Variants in PAX5 observed in about 807,000 individuals in gnomAD.
PAX5 encodes the protein paired box 5.
PAX5 carries 9 observed loss-of-function variants against 43.7 expected under a neutral mutation model. The ratio of observed to expected loss-of-function variants is 0.21; its 90% confidence interval spans 0.12 to 0.36. PAX5 has a LOEUF of 0.36. Ranked by LOEUF, PAX5 falls within the 10% of genes least tolerant of loss-of-function variation. The probability of loss-of-function intolerance (pLI) is 1.00; values close to 1 mark genes in which losing one functional copy is unlikely to be tolerated. For synonymous variants in PAX5, 228 were observed against 214.3 expected, an observed-to-expected ratio of 1.06 and a Z score of -0.56; for missense variants, 383 against 532.7, an observed-to-expected ratio of 0.72 and a Z score of 2.77.
At chr9:36,920,500 T>C (rs1044679085) in intron 7 of PAX5, among the ~76,000 whole-genome samples, 13 of 152,204 alleles carry the variant, frequency 8.5e-5, no homozygotes, top group Admixed American at 5.9e-4. Context: ...TTATGAGCAT[T>C]TTTTAGCAAC....
At chr9:36,943,326 G>T (rs1408945783) in intron 6 of PAX5, among the ~76,000 whole-genome samples, 2 of 152,152 alleles carry the variant, frequency 1.3e-5, no homozygotes, top group Non-Finnish European at 2.9e-5. Context: ...CATCCCATAG[G>T]TGGTGGCTCC....
intron 7 of PAX5, among the ~76,000 whole-genome samples, chr9:36,886,157 C>T (rs1316326835): frequency 6.6e-6 from 1 of 152,182 alleles, no homozygotes; most frequent in East Asian, 1.9e-4. Flanking sequence ...CAGCCTGGTG[C>T]AGCCAATCCC....
At chr9:36,903,267 C>T (rs1828552776) in intron 7 of PAX5, among the ~76,000 whole-genome samples, 1 of 152,228 alleles carries the variant, frequency 6.6e-6, no homozygotes, top group Non-Finnish European at 1.5e-5. Context: ...GGGTGGCTCA[C>T]ATATGTGGTC....
At chr9:36,865,848 G>C (rs978129801) in intron 8 of PAX5, among the ~76,000 whole-genome samples, 4 of 152,256 alleles carry the variant, frequency 2.6e-5, no homozygotes, top group Non-Finnish European at 4.4e-5. Context: ...AAAAAAGTGA[G>C]CTCCCACCTC....
chr9:37,019,166 T>C (rs762998488), intron 2 of PAX5, among the ~76,000 whole-genome samples: 2 of 152,200 alleles, frequency 1.3e-5, no homozygotes, highest in Non-Finnish European at 2.9e-5. Flanking sequence ...TATCTATCTC[T>C]TTCTATTTCT....
chr9:37,001,657 A>G lies in PAX5; in HGVS notation c.604+991T>C, dbSNP rs577778678. Among the ~76,000 whole-genome samples, 79 of 152,224 alleles carry G rather than the reference A, an allele frequency of 5.2e-4. 2 individuals are homozygous for G. Among genetic ancestry groups the G allele is most frequent in the South Asian group, 1.2e-3 (6 of 4,816 alleles). On this transcript the variant is annotated intron_variant, in intron 5 of 9. Coordinates refer to ENST00000358127, the MANE Select transcript of PAX5 (RefSeq NM_016734.3). Reference sequence around the variant, plus strand: ...GCCAATCCACGGCTGGGCCGACTCAATTTTCTAGTTACAGATCTTAAGTAC... The same window carrying G: ...GCCAATCCACGGCTGGGCCGACTCAGTTTTCTAGTTACAGATCTTAAGTAC...
chr9:37,032,406 C>A (rs1011923482), intron 1 of PAX5, among the ~76,000 whole-genome samples: 2 of 152,142 alleles, frequency 1.3e-5, no homozygotes, highest in African/African-American at 4.8e-5. Flanking sequence ...TCTGAAAGTC[C>A]ATCTGCTGAG....
chr9:36,899,675 G>T (rs917307924), intron 7 of PAX5, among the ~76,000 whole-genome samples: 4 of 152,084 alleles, frequency 2.6e-5, no homozygotes, highest in Non-Finnish European at 5.9e-5. Context: ...CTACAGGGTT[G>T]GGGCCGGGCC....
At chr9:36,989,402 C>T (rs1486079435) in intron 5 of PAX5, among the ~76,000 whole-genome samples, 1 of 152,208 alleles carries the variant, frequency 6.6e-6, no homozygotes, top group Non-Finnish European at 1.5e-5. Flanking sequence ...GAAATTGTCT[C>T]ACTCTCTCTG....
chr9:36,839,980 C>T lies in PAX5; in HGVS notation c.*580G>A, dbSNP rs1406070165. On this transcript the variant is annotated 3_prime_UTR_variant, in exon 10 of 10. Coordinates refer to ENST00000358127, the MANE Select transcript of PAX5 (RefSeq NM_016734.3). ...TAAAGAAGGAGGGATGAGCAGGAGG[C>T]TGGGGCCCAAGGGCAGCATCCTCCA... The T allele has an allele frequency of 1.3e-5, 3 of 238,280 alleles. No individual in the cohort carries two copies. Among genetic ancestry groups the T allele is most frequent in the Non-Finnish European group, 2.5e-5 (3 of 120,924 alleles). The allele number at this position is 238,280 out of a possible 1,614,324, so 14.8% of individuals were successfully genotyped here. A position where few individuals can be genotyped will look rare whatever the true frequency, so the allele number is the denominator to read the frequency against.
chr9:36,922,160 G>T (rs1336856956), intron 7 of PAX5, among the ~76,000 whole-genome samples: 1 of 152,156 alleles, frequency 6.6e-6, no homozygotes, highest in Non-Finnish European at 1.5e-5. Context: ...TTCAGCCCAG[G>T]TCTCGGAGCT....
chr9:36,898,699 C>G (rs1262942730), intron 7 of PAX5, among the ~76,000 whole-genome samples: 1 of 152,216 alleles, frequency 6.6e-6, no homozygotes, highest in Non-Finnish European at 1.5e-5. Flanking sequence ...TCTCCGAACA[C>G]CAGCAGGAGG....
At chr9:36,875,606 G>A (rs1825844506) in intron 8 of PAX5, among the ~76,000 whole-genome samples, 1 of 152,142 alleles carries the variant, frequency 6.6e-6, no homozygotes, top group East Asian at 1.9e-4. Context: ...GGATTACATG[G>A]CAGAGGGGAA....
At chr9:36,857,823 C>T (rs1278150606) in intron 8 of PAX5, among the ~76,000 whole-genome samples, 1 of 152,252 alleles carries the variant, frequency 6.6e-6, no homozygotes, top group Admixed American at 6.5e-5. Context: ...AACTCCCCAA[C>T]AAGGCAGCTG....
At position 36,937,297 on chromosome 9, in the gene PAX5, G is replaced by A. The variant is rs568194767; in HGVS notation, c.781-13813C>T. Among the ~76,000 whole-genome samples the A allele has an allele frequency of 2.6e-5, 4 of 152,256 alleles. No individual in the cohort carries two copies. The South Asian group carries it at 8.3e-4, about 32-fold the overall frequency. ...CTCCCTTTACAGATGATGAAAATGA[G>A]ACACAAGGTGCCAAAATAACGTGTC... On this transcript the variant is annotated intron_variant, in intron 6 of 9. Coordinates refer to ENST00000358127, the MANE Select transcript of PAX5 (RefSeq NM_016734.3).
chr9:36,854,094 G>A (rs1823415391), intron 8 of PAX5, among the ~76,000 whole-genome samples: 2 of 152,242 alleles, frequency 1.3e-5, no homozygotes, highest in Admixed American at 6.5e-5. Context: ...ATTCAAACTG[G>A]GCTTAGAGAA....
rs186205371 is a variant in PAX5 at position 36,863,919 on chromosome 9, G to A, written c.1013-16990C>T. ...AGGTCAGGAGCTCAAGACCAGCCTG[G>A]CCAACATGGTGAAACCCCGTCTCTA... On this transcript the variant is annotated intron_variant, in intron 8 of 9. Transcript: ENST00000358127. Among the ~76,000 whole-genome samples the A allele has an allele frequency of 1.2e-3, 190 of 152,306 alleles. 1 individual carries two copies. The highest frequency in any genetic ancestry group is 6.3e-4 in the Non-Finnish European group (43 of 68,026).
intron 1 of PAX5, among the ~76,000 whole-genome samples, chr9:37,030,188 C>T (rs1840842572): frequency 1.3e-5 from 2 of 152,184 alleles, no homozygotes; most frequent in Admixed American, 6.5e-5. Flanking sequence ...CAGAGCAGCC[C>T]CTTCCCGCAA....
chr9:36,995,214 T>G (rs1837292204), intron 5 of PAX5, among the ~76,000 whole-genome samples: 1 of 152,234 alleles, frequency 6.6e-6, no homozygotes, highest in Non-Finnish European at 1.5e-5. Context: ...AAAGAATCCT[T>G]GGGTCTCAGC....
Sources: allele counts gnomAD v4.1 joint callset (sites outside exome capture counted in the v4.1 genomes callset), GRCh38; gene constraint gnomAD v4.1.1; transcripts MANE v1.5; gene names NCBI Gene and HGNC (gene_info 2026-07-23, HGNC 2026-07-21).